The following COPS9 variants were observed in gnomAD, a reference collection of about 807,000 sequenced individuals.
COPS9 encodes the protein COP9 signalosome complex subunit 9.
COPS9 carries 8 observed loss-of-function variants against 7.2 expected under a neutral mutation model. That is an observed-to-expected ratio of 1.11 (90% CI 0.65 to 2.00). COPS9 has a LOEUF of 2.00. Among genes scored for constraint, COPS9 ranks in the 30% most tolerant of loss-of-function variants. The pLI is 0.00. For missense variants in COPS9, 74 were observed against 77.7 expected (o/e 0.95, Z 0.18); for synonymous variants, 39 against 28.7 (o/e 1.36, Z -1.14).
At chr2:240,130,006 T>C (rs2071905324), downstream of COPS9, 1 of 1,613,786 alleles carries the variant, frequency 6.2e-7, no homozygotes, top group East Asian at 2.2e-5. Flanking sequence ...GACTGCTGGC[T>C]TGTCCTGGGC....
At chr2:240,136,160 C>A in intron 1 of COPS9, 62 bp downstream of exon 1, 1 of 1,419,356 alleles carries the variant, frequency 7.0e-7, no homozygotes, top group East Asian at 2.9e-5. Context: ...ACCAGGACGC[C>A]GCCCTTCCGC....
chr2:240,131,183 A>T, intron 2 of COPS9, 95 bp from the exon 3 acceptor site: 1 of 1,337,192 alleles, frequency 7.5e-7, no homozygotes, highest in Non-Finnish European at 1.0e-6. Context: ...CAAAATACAG[A>T]GATAATCGTC....
chr2:240,136,293 C>G lies in COPS9; in HGVS notation c.-9G>C, dbSNP rs1388423885. On this transcript the variant is annotated 5_prime_UTR_variant, in exon 1 of 3. Transcript: ENST00000607357. ...TCCACCGCCGGCTTCATCTCGGGGC[C>G]GCGGCGCTCTAGGCTCACTTCCGGC... is the stretch of plus-strand genomic sequence containing the variant. 2.6e-6 allele frequency: 4 copies of G among 1,561,324 alleles called. No homozygotes were observed. In the Admixed American group the frequency reaches 7.4e-5, roughly 29 times the overall value.
chr2:240,127,084 G>T, downstream of COPS9: 1 of 1,047,434 alleles, frequency 9.5e-7, no homozygotes, highest in Non-Finnish European at 1.4e-6. Context: ...GACAGAGAGG[G>T]GAAGGCTAAG....
downstream of COPS9, chr2:240,129,893 C>A: frequency 6.2e-7 from 1 of 1,607,810 alleles, no homozygotes; most frequent in Non-Finnish European, 8.5e-7. Flanking sequence ...GACCTTCTTA[C>A]AGAGATGCAC....
intron 1 of COPS9, among the ~76,000 whole-genome samples, chr2:240,135,314 C>A (rs895274699): frequency 6.6e-6 from 1 of 152,188 alleles, no homozygotes; most frequent in Non-Finnish European, 1.5e-5. Flanking sequence ...GACTCCTCAG[C>A]TGTACCTTTG....
At chr2:240,135,758 T>C (rs745450713) in intron 1 of COPS9, 7 of 160,450 alleles carry the variant, frequency 4.4e-5, no homozygotes, top group African/African-American at 7.2e-5. Flanking sequence ...TAGTTAAGAT[T>C]AAGAGGCCCA....
chr2:240,128,465 C>T (rs139976526), downstream of COPS9, among the ~76,000 whole-genome samples: 376 of 152,284 alleles, frequency 2.5e-3, no homozygotes, highest in African/African-American at 8.5e-3. Flanking sequence ...GGCTCCCTCG[C>T]CCTCGGCCCA....
At chr2:240,133,306 CA>C (rs2071940214) in intron 2 of COPS9, among the ~76,000 whole-genome samples, 1 of 152,222 alleles carries the variant, frequency 6.6e-6, no homozygotes, top group Non-Finnish European at 1.5e-5. Context: ...CTGAAGAAAT[CA>C]GAAGAGAATG....
chr2:240,133,154 A>C (rs2071938757), intron 2 of COPS9, among the ~76,000 whole-genome samples: 1 of 152,238 alleles, frequency 6.6e-6, no homozygotes, highest in Non-Finnish European at 1.5e-5. Flanking sequence ...TTAACTAGTA[A>C]CAAGAGCTTT....
rs186824459 is a variant in COPS9, at chr2:240,132,354, C to T, written c.137-1266G>A. Reference sequence around the variant, plus strand: ...CTTAGCAAAAGCCTCATCCACAGCCCACAGAGGTCTCTCAAAGTAAATGGC... The same window carrying T: ...CTTAGCAAAAGCCTCATCCACAGCCTACAGAGGTCTCTCAAAGTAAATGGC... On this transcript the variant is annotated intron_variant, in intron 2 of 2. Transcript: ENST00000607357. This position sits in a 1 kb window ranked among gnomAD's most constrained non-coding sequence, Gnocchi z 4.1. Among the ~76,000 whole-genome samples, 624 of 152,308 alleles carry T rather than the reference C, an allele frequency of 4.1e-3. 1 individual carries two copies. The highest frequency in any genetic ancestry group is 7.1e-3 in the Non-Finnish European group (482 of 68,030).
At chr2:240,126,897 G>T (rs570751044), downstream of COPS9, 152 of 1,613,924 alleles carry the variant, frequency 9.4e-5, no homozygotes, top group Non-Finnish European at 1.3e-4. Flanking sequence ...GCTCCCAAAC[G>T]CTCTGTCCAA....
At chr2:240,134,196 A>AT in intron 1 of COPS9, 191 bp from the exon 2 acceptor site, 1 of 585,384 alleles carries the variant, frequency 1.7e-6, no homozygotes, top group Non-Finnish European at 3.0e-6. Flanking sequence ...CAAAGGAATG[A>AT]TTTTTAAGGT....
upstream of COPS9, chr2:240,136,333 C>T: frequency 6.6e-7 from 1 of 1,518,492 alleles, no homozygotes; most frequent in South Asian, 1.2e-5. Flanking sequence ...GAGCCGCTTC[C>T]GGCGCGCGCC....
chr2:240,129,316 C>T (rs553260940), downstream of COPS9, among the ~76,000 whole-genome samples: 1 of 152,324 alleles, frequency 6.6e-6, no homozygotes, highest in Admixed American at 6.5e-5. Context: ...GCACGTGCCA[C>T]CATGCTCAGC....
Position 240,132,709 on chromosome 2 carries a change from G to C in COPS9, c.136+1224C>G, listed in dbSNP as rs1385335343. 6.6e-6 allele frequency among the ~76,000 whole-genome samples: 1 copy of C among 152,204 alleles called. No homozygotes were observed. Among genetic ancestry groups the C allele is most frequent in the Non-Finnish European group, 1.5e-5 (1 of 68,032 alleles). On this transcript the variant is annotated intron_variant, in intron 2 of 2. Coordinates refer to ENST00000607357, the MANE Select transcript of COPS9 (RefSeq NM_001163424.2). This position sits in a 1 kb window ranked among gnomAD's most constrained non-coding sequence, Gnocchi z 4.1. ...TTTGAAGGAGATCATCAAAATGCAAGCGTGTGGTGCCAGCATTAGCAACTG... is the reference window on the plus strand; with the variant it reads ...TTTGAAGGAGATCATCAAAATGCAACCGTGTGGTGCCAGCATTAGCAACTG...
chr2:240,130,837 T>C lies in COPS9; in HGVS notation c.*214A>G. 1 of 1,403,898 alleles carries C rather than the reference T, an allele frequency of 7.1e-7. No homozygotes were observed. The allele number at this position is 1,403,898 out of a possible 1,614,324, so 87.0% of individuals were successfully genotyped here. On this transcript the variant is annotated 3_prime_UTR_variant, in exon 3 of 3. Coordinates refer to ENST00000607357, the MANE Select transcript of COPS9 (RefSeq NM_001163424.2). ...GAGATCACTCCACATGTGACATTGCTTTCTTTTAATTGGAGTGAGGACAAA... is the reference window on the plus strand; with the variant it reads ...GAGATCACTCCACATGTGACATTGCCTTCTTTTAATTGGAGTGAGGACAAA...
At chr2:240,127,134 G>A (rs35819442), downstream of COPS9, among the ~76,000 whole-genome samples, 40,184 of 152,000 alleles carry the variant, frequency 0.26, 5,594 homozygotes, top group East Asian at 0.54. Flanking sequence ...AGGCTTGCTA[G>A]TAATAATTAA....
rs1345004304 is a variant in COPS9, at chr2:240,132,196, C to A, written c.137-1108G>T. ...GGCTCTTGTCACAGTCCAGCCCCTG[C>A]CTGCTGACTTGTCTGGACCCACAAT... On this transcript the variant is annotated intron_variant, in intron 2 of 2. Transcript: ENST00000607357. The surrounding 1 kb of genome is among the most constrained non-coding windows in gnomAD (Gnocchi z 4.1). Among the ~76,000 whole-genome samples, 2 of 152,210 alleles carry A rather than the reference C, an allele frequency of 1.3e-5. No individual in the cohort carries two copies. The highest frequency in any genetic ancestry group is 4.8e-5 in the African/African-American group (2 of 41,444).
Sources: allele counts gnomAD v4.1 joint callset (sites outside exome capture counted in the v4.1 genomes callset), GRCh38; gene constraint gnomAD v4.1.1; non-coding constraint Gnocchi (gnomAD v3.1); transcripts MANE v1.5; gene names NCBI Gene and HGNC (gene_info 2026-07-23, HGNC 2026-07-21).